The following DACH1 variants were observed in gnomAD, a reference collection of about 807,000 sequenced individuals.
DACH1 encodes the protein dachshund family transcription factor 1.
Under a neutral mutation model 54.2 loss-of-function variants are expected in DACH1, and 12 were observed. That is an observed-to-expected ratio of 0.22 (90% CI 0.14 to 0.36). The LOEUF (loss-of-function observed/expected upper bound fraction) is 0.36, where lower values mean the gene tolerates loss of function less well. Ranked by LOEUF, DACH1 falls within the 10% of genes least tolerant of loss-of-function variation. The pLI is 1.00. For synonymous variants in DACH1, 386 were observed against 366.2 expected (o/e 1.05, Z -0.62); for missense variants, 805 against 929.8 (o/e 0.87, Z 1.75).
chr13:71,604,112 A>T (rs1029590496), intron 3 of DACH1, among the ~76,000 whole-genome samples: 1 of 151,978 alleles, frequency 6.6e-6, no homozygotes, highest in Non-Finnish European at 1.5e-5. Context: ...AAGTTTACTG[A>T]TGTCATATTT....
intron 1 of DACH1, among the ~76,000 whole-genome samples, chr13:71,831,591 C>A (rs938141056): frequency 6.6e-6 from 1 of 151,662 alleles, no homozygotes; most frequent in Non-Finnish European, 1.5e-5. Flanking sequence ...ATGAAAGACC[C>A]CCTTCAAATG....
Position 71,789,687 on chromosome 13 carries a change from G to A in DACH1, c.848+76235C>T, listed in dbSNP as rs182843899. ...TTAGTGGGGTTTTCTCTGACAGATA[G>A]AAGTATATATGAGTGAGTGATTGTT... On this transcript the variant is annotated intron_variant, in intron 1 of 10. Transcript: ENST00000613252. Among the ~76,000 whole-genome samples, 17 of 152,224 alleles carry A rather than the reference G, an allele frequency of 1.1e-4. No individual in the cohort carries two copies. In the East Asian group the frequency reaches 2.7e-3, roughly 24 times the overall value.
intron 10 of DACH1, among the ~76,000 whole-genome samples, chr13:71,449,663 C>T (rs1874836814): frequency 6.6e-6 from 1 of 152,064 alleles, no homozygotes; most frequent in East Asian, 1.9e-4. Context: ...GCATGTTCTG[C>T]ACATGTATCC....
At chr13:71,584,422 A>C (rs1048827913) in intron 3 of DACH1, among the ~76,000 whole-genome samples, 1 of 152,180 alleles carries the variant, frequency 6.6e-6, no homozygotes, top group African/African-American at 2.4e-5. Flanking sequence ...CACAAGAAAC[A>C]TAATTGTGTT....
At chr13:71,686,302 C>T (rs539929850) in intron 1 of DACH1, among the ~76,000 whole-genome samples, 2 of 152,224 alleles carry the variant, frequency 1.3e-5, no homozygotes, top group African/African-American at 2.4e-5. Context: ...ATATCCCAAA[C>T]ACTAGGGAAC....
chr13:71,783,972 AAAAAAAAAC>A (rs1213955636), intron 1 of DACH1, among the ~76,000 whole-genome samples: 3 of 150,736 alleles, frequency 2.0e-5, no homozygotes, highest in African/African-American at 4.9e-5. Flanking sequence ...TTTAAAAAAA[AAAAAAAAAC>A]AAAAAAAAAA....
At chr13:71,501,668 TA>T (rs1396574765) in intron 6 of DACH1, among the ~76,000 whole-genome samples, 2 of 152,130 alleles carry the variant, frequency 1.3e-5, no homozygotes, top group African/African-American at 4.8e-5. Context: ...TTTTCAATAA[TA>T]AAAAGTTAAT....
intron 5 of DACH1, among the ~76,000 whole-genome samples, chr13:71,558,535 T>A (rs913655080): frequency 1.4e-4 from 21 of 151,970 alleles, no homozygotes; most frequent in African/African-American, 4.8e-4. Flanking sequence ...GTTCCAATTT[T>A]TTTTTCTCTA....
chr13:71,545,616 C>T (rs1225635541), intron 6 of DACH1, among the ~76,000 whole-genome samples: 4 of 151,308 alleles, frequency 2.6e-5, no homozygotes, highest in East Asian at 2.0e-4. Context: ...AGGGATGAAC[C>T]TGTGAAACAT....
At chr13:71,587,071 T>C (rs915466048) in intron 3 of DACH1, among the ~76,000 whole-genome samples, 5 of 152,248 alleles carry the variant, frequency 3.3e-5, no homozygotes, top group African/African-American at 1.2e-4. Context: ...ATAGCAAATG[T>C]CATTTCTTTC....
intron 2 of DACH1, among the ~76,000 whole-genome samples, chr13:71,651,792 T>C (rs560489350): frequency 1.7e-3 from 256 of 152,318 alleles, no homozygotes; most frequent in African/African-American, 6.0e-3. Context: ...ATTATGAAAC[T>C]ATTTGGAATA....
chr13:71,479,336 G>A lies in DACH1; in HGVS notation c.1723-20C>T, dbSNP rs758792888. On this transcript the variant is annotated intron_variant, in intron 7 of 10. Coordinates refer to ENST00000613252, the MANE Select transcript of DACH1 (RefSeq NM_080759.6). The stretch of plus-strand genomic sequence containing the variant: ...CAGCCCCTGTACAAAGAAGATATTC[G>A]GAATGGTAATATTTTAATACAAAGC... 81 of 1,596,274 alleles carry A rather than the reference G, an allele frequency of 5.1e-5. No homozygotes were observed. In the East Asian group the frequency reaches 6.0e-4, roughly 12 times the overall value.
chr13:71,821,124 G>T (rs2138182265), intron 1 of DACH1, among the ~76,000 whole-genome samples: 1 of 152,320 alleles, frequency 6.6e-6, no homozygotes, highest in African/African-American at 2.4e-5. Context: ...TATCTGGAAT[G>T]ATAGCCGCAT....
chr13:71,442,095 T>C (rs1874056571), intron 10 of DACH1, among the ~76,000 whole-genome samples: 1 of 152,082 alleles, frequency 6.6e-6, no homozygotes, highest in African/African-American at 2.4e-5. Flanking sequence ...CTATGAACTA[T>C]AGTCTCTTTG....
At chr13:71,700,170 C>A (rs1034691583) in intron 1 of DACH1, among the ~76,000 whole-genome samples, 6 of 151,954 alleles carry the variant, frequency 3.9e-5, no homozygotes, top group South Asian at 4.2e-4. Context: ...ATGCTGAAGT[C>A]AATGGAGCTA....
intron 10 of DACH1, among the ~76,000 whole-genome samples, chr13:71,462,908 A>C (rs1395827241): frequency 1.5e-5 from 1 of 68,870 alleles, no homozygotes; most frequent in Non-Finnish European, 3.6e-5. Context: ...ACACACACAC[A>C]CACACACATA....
chr13:71,577,499 G>T (rs1885604698), intron 3 of DACH1, among the ~76,000 whole-genome samples: 1 of 152,152 alleles, frequency 6.6e-6, no homozygotes, highest in South Asian at 2.1e-4. Flanking sequence ...GAAGGTGGTT[G>T]TTCATGGAGT....
At chr13:71,657,867 C>T (rs1293417780) in intron 2 of DACH1, among the ~76,000 whole-genome samples, 4 of 152,062 alleles carry the variant, frequency 2.6e-5, no homozygotes, top group Non-Finnish European at 4.4e-5. Flanking sequence ...CTTTGCCTCC[C>T]GGAGTGCTGG....
intron 6 of DACH1, among the ~76,000 whole-genome samples, chr13:71,496,643 C>T (rs1228821403): frequency 6.6e-6 from 1 of 151,768 alleles, no homozygotes; most frequent in Non-Finnish European, 1.5e-5. Flanking sequence ...ATATCCAAAA[C>T]CCTGACTTCA....
Sources: gnomAD v4.1 joint callset for allele counts (sites outside exome capture counted in the v4.1 genomes callset) on GRCh38, gnomAD v4.1.1 for gene constraint, MANE v1.5 for transcripts, NCBI Gene and HGNC (gene_info 2026-07-23, HGNC 2026-07-21) for gene names.